Variants in ARHGAP32 observed in about 807,000 individuals in gnomAD.
ARHGAP32 encodes the protein rho GTPase-activating protein 32.
A neutral mutation model predicts 186.5 loss-of-function variants in ARHGAP32; 51 were observed. That is an observed-to-expected ratio of 0.27 (90% CI 0.22 to 0.35). The LOEUF (loss-of-function observed/expected upper bound fraction) is 0.35. Ranked by LOEUF, ARHGAP32 falls within the 10% of genes least tolerant of loss-of-function variation. The pLI is 1.00. For missense variants in ARHGAP32, 2,186 were observed against 2,623.5 expected (o/e 0.83, Z 3.64); for synonymous variants, 950 against 964.3 (o/e 0.99, Z 0.27).
At chr11:128,979,253 G>A (rs2136097402) in intron 18 of ARHGAP32, among the ~76,000 whole-genome samples, 1 of 152,264 alleles carries the variant, frequency 6.6e-6, no homozygotes, top group Non-Finnish European at 1.5e-5. Flanking sequence ...ATAACACAGA[G>A]TTAAAGAAAA....
intron 1 of ARHGAP32, among the ~76,000 whole-genome samples, chr11:129,240,172 T>TATACCA (rs1200437510): frequency 1.3e-5 from 2 of 151,954 alleles, no homozygotes; most frequent in Non-Finnish European, 2.9e-5. Flanking sequence ...CATCATACAA[T>TATACCA]ATACCCCCAC....
intron 6 of ARHGAP32, among the ~76,000 whole-genome samples, chr11:129,078,315 G>GA (rs745827192): frequency 3.3e-4 from 50 of 151,986 alleles, no homozygotes; most frequent in Non-Finnish European, 5.6e-4. Flanking sequence ...AGCAGACCTT[G>GA]AAGCCAAGAT....
At chr11:128,983,208 A>G (rs1945759844) in intron 15 of ARHGAP32, among the ~76,000 whole-genome samples, 1 of 152,196 alleles carries the variant, frequency 6.6e-6, no homozygotes. Context: ...GCAGTGCTGC[A>G]TTTCAAATCA....
intron 12 of ARHGAP32, among the ~76,000 whole-genome samples, chr11:128,991,080 C>T (rs1004923628): frequency 3.3e-5 from 5 of 151,996 alleles, no homozygotes; most frequent in Admixed American, 6.6e-5. Context: ...AAAAAAGTAT[C>T]GGTAATTTTC....
chr11:129,133,584 T>C (rs1221361785), intron 2 of ARHGAP32, among the ~76,000 whole-genome samples: 6 of 152,174 alleles, frequency 3.9e-5, no homozygotes, highest in African/African-American at 1.4e-4. Context: ...GGATTTCTCA[T>C]CAGAAACCAG....
At chr11:128,991,967 T>A (rs1946067917) in intron 12 of ARHGAP32, among the ~76,000 whole-genome samples, 1 of 150,528 alleles carries the variant, frequency 6.6e-6, no homozygotes, top group Non-Finnish European at 1.5e-5. Flanking sequence ...TTAAGTCTCT[T>A]CTATTTTCCA....
At chr11:129,193,498 AAAT>A (rs1944310426), upstream of ARHGAP32, among the ~76,000 whole-genome samples, 2 of 71,930 alleles carry the variant, frequency 2.8e-5, no homozygotes, top group African/African-American at 1.0e-4. Context: ...AAAAAAAAAA[AAAT>A]ATATATATAT....
chr11:129,165,768 T>C (rs761690225), intron 1 of ARHGAP32, among the ~76,000 whole-genome samples: 9 of 149,750 alleles, frequency 6.0e-5, no homozygotes, highest in Admixed American at 1.3e-4. Flanking sequence ...AAAAAAAAAA[T>C]AGATAATCTG....
chr11:128,998,505 C>G, intron 11 of ARHGAP32, 37 bp from the exon 12 acceptor site: 1 of 1,466,996 alleles, frequency 6.8e-7, no homozygotes. Flanking sequence ...TTAGTTGTGG[C>G]AAGAGGTTAC....
chr11:129,006,837 G>C (rs543074451), intron 11 of ARHGAP32, among the ~76,000 whole-genome samples: 8 of 152,214 alleles, frequency 5.3e-5, no homozygotes, highest in Non-Finnish European at 8.8e-5. Flanking sequence ...CCAGGCCCTA[G>C]GTGGGTCCAG....
chr11:129,142,631 A>C (rs1012852055), intron 2 of ARHGAP32, among the ~76,000 whole-genome samples: 2 of 152,056 alleles, frequency 1.3e-5, no homozygotes, highest in Non-Finnish European at 2.9e-5. Context: ...AATATCACCC[A>C]ATACACATTC....
chr11:129,185,476 T>C (rs1247867896), intron 1 of ARHGAP32, among the ~76,000 whole-genome samples: 1 of 152,068 alleles, frequency 6.6e-6, no homozygotes, highest in Admixed American at 6.6e-5. Context: ...AGGAGAGGGA[T>C]AGCATTAGGA....
At chr11:129,014,477 C>T (rs1156395420) in intron 11 of ARHGAP32, among the ~76,000 whole-genome samples, 1 of 152,136 alleles carries the variant, frequency 6.6e-6, no homozygotes, top group Non-Finnish European at 1.5e-5. Context: ...TCTAGACTGA[C>T]TTAAGATAAA....
At chr11:129,258,224 C>A (rs1328103650) in intron 1 of ARHGAP32, among the ~76,000 whole-genome samples, 1 of 152,120 alleles carries the variant, frequency 6.6e-6, no homozygotes, top group Non-Finnish European at 1.5e-5. Context: ...CAAATTCAAC[C>A]ATCAGAGGAG....
chr11:129,011,125 G>C (rs1938055365), intron 11 of ARHGAP32, among the ~76,000 whole-genome samples: 1 of 152,198 alleles, frequency 6.6e-6, no homozygotes, highest in Non-Finnish European at 1.5e-5. Flanking sequence ...TGATTAAATA[G>C]TAATACGGAT....
At position 128,974,627 on chromosome 11, in the gene ARHGAP32, C is replaced by T. The variant is rs767807486; in HGVS notation, c.2570G>A (p.Cys857Tyr). Residue 857 changes from cysteine to tyrosine, a missense_variant, in exon 21 of 23, where the codon TGT becomes TAT. Physicochemically the swap from Cys to Tyr is radical, Grantham distance 194. This residue lies in a region of ARHGAP32 where 5 missense variants were observed against 16.6 expected (regional missense o/e 0.30). Transcript: ENST00000682385. ...KKDAETGSSQ[C>Y]QTPGSTASSE... ...GCTTGCTGTGCTTCCTGGAGTCTGA[C>T]ATTGGCTACTACCTGTTTCTGCATC... 6.2e-7 allele frequency: 1 copy of T among 1,614,100 alleles called. No individual in the cohort carries two copies. Among genetic ancestry groups the T allele is most frequent in the Non-Finnish European group, 8.5e-7 (1 of 1,180,042 alleles).
At chr11:128,991,190 T>C (rs920726416) in intron 12 of ARHGAP32, among the ~76,000 whole-genome samples, 1 of 152,168 alleles carries the variant, frequency 6.6e-6, no homozygotes, top group Non-Finnish European at 1.5e-5. Flanking sequence ...GGTCTTTTCC[T>C]GATAATATGT....
intron 6 of ARHGAP32, among the ~76,000 whole-genome samples, chr11:129,072,740 A>T (rs1344189125): frequency 6.6e-6 from 1 of 152,174 alleles, no homozygotes; most frequent in Non-Finnish European, 1.5e-5. Flanking sequence ...CCGTCACGGG[A>T]GCCACACACT....
At chr11:129,191,084 A>T (rs1179308275) in intron 1 of ARHGAP32, among the ~76,000 whole-genome samples, 1 of 152,206 alleles carries the variant, frequency 6.6e-6, no homozygotes, top group East Asian at 1.9e-4. Context: ...GACTTTAAAA[A>T]ATAAAATTTG....
Sources: allele counts gnomAD v4.1 joint callset (sites outside exome capture counted in the v4.1 genomes callset), GRCh38; gene constraint gnomAD v4.1.1; regional missense constraint gnomAD v4.1.1; transcripts MANE v1.5; gene names NCBI Gene and HGNC (gene_info 2026-07-23, HGNC 2026-07-21).